SMAD7: variants seen among roughly 807,000 people sequenced by gnomAD.
SMAD7 encodes the protein SMAD family member 7.
In SMAD7, 8 loss-of-function variants were observed where a neutral mutation model predicts 38.7. That is an observed-to-expected ratio of 0.21 (90% confidence interval 0.12 to 0.37). The LOEUF (loss-of-function observed/expected upper bound fraction) is 0.37, where lower values mean the gene tolerates loss of function less well. Ranked by LOEUF, SMAD7 falls within the 10% of genes least tolerant of loss-of-function variation. The pLI is 1.00. For synonymous variants in SMAD7, 327 were observed against 265.1 expected, an observed-to-expected ratio of 1.23 and a Z score of -2.27; for missense variants, 477 against 577.9, an observed-to-expected ratio of 0.83 and a Z score of 1.79.
chr18:48,945,198 C>T (rs527632125), intron 2 of SMAD7, among the ~76,000 whole-genome samples: 13 of 152,216 alleles, frequency 8.5e-5, no homozygotes, highest in African/African-American at 2.4e-4. Context: ...CAGTGGCTCA[C>T]GCCTGTAATC....
In SMAD7 at chr18:48,945,754, C is replaced by T. The variant is rs549522769; in HGVS notation, c.667+2630G>A. 3.3e-5 allele frequency among the ~76,000 whole-genome samples: 5 copies of T among 152,290 alleles called. No individual in the cohort carries two copies. The South Asian group carries it at 1.0e-3, about 32-fold the overall frequency. ...TCCCTCAAGAGCTCACCCAGCAACCCCCCAAGGCCAGCCATTCCTCAAACC... is the reference window on the plus strand; with the variant it reads ...TCCCTCAAGAGCTCACCCAGCAACCTCCCAAGGCCAGCCATTCCTCAAACC... On this transcript the variant is annotated intron_variant, in intron 2 of 3. Transcript: ENST00000262158.
intron 3 of SMAD7, among the ~76,000 whole-genome samples, chr18:48,923,679 C>T (rs1006325695): frequency 1.3e-5 from 2 of 152,170 alleles, no homozygotes; most frequent in African/African-American, 4.8e-5. Flanking sequence ...AGGTCTCATT[C>T]CTTTCCCTCA....
chr18:48,942,212 G>A (rs115171207), intron 3 of SMAD7, among the ~76,000 whole-genome samples: 80 of 152,164 alleles, frequency 5.3e-4, no homozygotes, highest in African/African-American at 1.8e-3. Flanking sequence ...AAAAATAACC[G>A]GGCAACACTT....
In SMAD7 at chr18:48,950,186, G is replaced by A. The variant is rs1038138173; in HGVS notation, c.239C>T (p.Ala80Val). Residue 80 changes from alanine (A) to valine (V), a missense_variant, in exon 1 of 4, where the codon GCG becomes GTG. By Grantham distance (64) the Ala-to-Val change is moderately conservative (BLOSUM62 0). Transcript: ENST00000262158. ...GGCGCCCCCGGCCGCGCCGGCGCCC[G>A]CGGCTGGCGGGTGGGGATGGTGGTG... ...KGHHHPHPPAAGAGAAGGAEA... is the reference protein window; with the variant it reads ...KGHHHPHPPAVGAGAAGGAEA... The A allele has an allele frequency of 6.7e-7, 1 of 1,484,476 alleles. No individual in the cohort carries two copies. The highest frequency in any genetic ancestry group is 1.3e-5 in the South Asian group (1 of 78,154). 92.0% of individuals were successfully genotyped at this position (1,484,476 alleles called of 1,614,324 possible). A position where few individuals can be genotyped will look rare whatever the true frequency, so the allele number is the denominator to read the frequency against.
intron 2 of SMAD7, among the ~76,000 whole-genome samples, 185 bp downstream of exon 2, chr18:48,948,198 CT>C (rs2070217874): frequency 6.6e-6 from 1 of 152,206 alleles, no homozygotes. Flanking sequence ...AAGGGAACGT[CT>C]TTGCAAAAAC....
At position 48,921,227 on chromosome 18, in the gene SMAD7, C is replaced by T. The variant is rs969874135; in HGVS notation, c.*145G>A. Reference sequence around the variant, plus strand: ...AAACAAAACAGAACACAAACGAGGACGAGAAGAAGAAAACCAACCAACAAA... The same window carrying T: ...AAACAAAACAGAACACAAACGAGGATGAGAAGAAGAAAACCAACCAACAAA... On this transcript the variant is annotated 3_prime_UTR_variant, in exon 4 of 4. Transcript: ENST00000262158. The surrounding 1 kb of genome is among the most constrained non-coding windows in gnomAD (Gnocchi z 6.4). 2.2e-5 allele frequency: 15 copies of T among 679,414 alleles called. No homozygotes were observed. The highest frequency in any genetic ancestry group is 3.2e-5 in the Non-Finnish European group (13 of 409,380). The allele number at this position is 679,414 out of a possible 1,614,324, so 42.1% of individuals were successfully genotyped here.
chr18:48,948,694 C>T (rs1265470409), intron 1 of SMAD7, among the ~76,000 whole-genome samples: 1 of 152,242 alleles, frequency 6.6e-6, no homozygotes, highest in Non-Finnish European at 1.5e-5. Flanking sequence ...CTGGAAACCA[C>T]CGGCTCGGCC....
intron 3 of SMAD7, among the ~76,000 whole-genome samples, chr18:48,932,277 C>T (rs1430616429): frequency 2.0e-5 from 3 of 152,118 alleles, no homozygotes; most frequent in South Asian, 2.1e-4. Context: ...ATTTAACCTC[C>T]GAGTGAGCCA....
chr18:48,949,271 A>C, intron 1 of SMAD7: 1 of 985,146 alleles, frequency 1.0e-6, no homozygotes. Flanking sequence ...CCAAAACTCC[A>C]AAGGTGCGCG....
chr18:48,949,879 A>C lies in SMAD7; in HGVS notation c.546T>G (p.Ser182=). 1 of 1,613,618 alleles carries C rather than the reference A, an allele frequency of 6.2e-7. No individual in the cohort carries two copies. The highest frequency in any genetic ancestry group is 1.1e-5 in the South Asian group (1 of 91,024). ...CCAGCTCGGGGTTGATCTTCCCGTA[A>C]GATTCACAGCAACACAGCCTCTTGA... is the stretch of plus-strand genomic sequence containing the variant. ...SEVKRLCCCE[S]YGKINPELVC... The change falls in exon 1 of 4, where the codon TCT becomes TCG. Residue 182 remains serine, a synonymous_variant. Coordinates refer to ENST00000262158, the MANE Select transcript of SMAD7 (RefSeq NM_005904.4).
At chr18:48,925,437 C>CA (rs1555715623) in intron 3 of SMAD7, among the ~76,000 whole-genome samples, 22 of 152,022 alleles carry the variant, frequency 1.4e-4, no homozygotes, top group Admixed American at 8.5e-4. Flanking sequence ...GTGTTGCCCC[C>CA]CCCCAACCTT....
intron 3 of SMAD7, among the ~76,000 whole-genome samples, chr18:48,936,597 A>G (rs1461089096): frequency 6.6e-6 from 1 of 152,240 alleles, no homozygotes; most frequent in Non-Finnish European, 1.5e-5. Flanking sequence ...TGGGAAGCTG[A>G]ATCCCGAGGG....
rs1343225308 is a variant in SMAD7 at position 48,920,031 on chromosome 18, A to AG, written c.*1340_*1341insC. ...CATCTTTTCTTTATTTTTCTTGTTT[A>AG]TACACATTGCACAATACATAAATAA... On this transcript the variant is annotated 3_prime_UTR_variant, in exon 4 of 4. Coordinates refer to ENST00000262158, the MANE Select transcript of SMAD7 (RefSeq NM_005904.4). 6.6e-6 allele frequency: 1 copy of AG among 152,554 alleles called. No individual in the cohort carries two copies. The highest frequency in any genetic ancestry group is 2.4e-5 in the African/African-American group (1 of 41,430). The allele number at this position is 152,554 out of a possible 1,614,324, so 9.5% of individuals were successfully genotyped here.
At chr18:48,934,066 C>G (rs187198284) in intron 3 of SMAD7, among the ~76,000 whole-genome samples, 92 of 152,274 alleles carry the variant, frequency 6.0e-4, no homozygotes, top group Non-Finnish European at 9.6e-4. Context: ...ATGACATCAA[C>G]AAAGAGGGGA....
intron 3 of SMAD7, among the ~76,000 whole-genome samples, chr18:48,938,109 G>A (rs551566412): frequency 1.3e-5 from 2 of 152,298 alleles, no homozygotes; most frequent in Admixed American, 6.5e-5. Flanking sequence ...TAAGCTACTT[G>A]GTTTGAGCCC....
In SMAD7 at chr18:48,947,495, A is replaced by G. The variant is rs192851314; in HGVS notation, c.667+889T>C. Among the ~76,000 whole-genome samples the G allele has an allele frequency of 1.4e-4, 22 of 152,306 alleles. No homozygotes were observed. In the East Asian group the frequency reaches 3.7e-3, roughly 25 times the overall value. ...CAAAATAAAAATGTCCCAAGTATTA[A>G]TGTTTTTTTCAGGCACCAGTATACA... On this transcript the variant is annotated intron_variant, in intron 2 of 3. Transcript: ENST00000262158.
chr18:48,937,646 T>G (rs1016167504), intron 3 of SMAD7, among the ~76,000 whole-genome samples: 2 of 152,148 alleles, frequency 1.3e-5, no homozygotes, highest in Non-Finnish European at 2.9e-5. Flanking sequence ...GGTGTGGGTG[T>G]GCACCAGGTG....
At chr18:48,942,837 C>T (rs2070157741) in intron 2 of SMAD7, 1 of 1,211,068 alleles carries the variant, frequency 8.3e-7, no homozygotes, top group Admixed American at 4.6e-5. Flanking sequence ...TTACCAGTCC[C>T]CCATTACGGA....
rs577821090 is a variant in SMAD7, at chr18:48,942,756, C to A, written c.668-201G>T. 1.5e-5 allele frequency: 21 copies of A among 1,428,790 alleles called. No homozygotes were observed. The African/African-American group carries it at 2.5e-4, about 17-fold the overall frequency. The allele number at this position is 1,428,790 out of a possible 1,614,324, so 88.5% of individuals were successfully genotyped here. A position where few individuals can be genotyped will look rare whatever the true frequency, so the allele number is the denominator to read the frequency against. ...CAGACCACAGCACCTTGTCACCCGT[C>A]TGGGCTCCGGGCAGCCAGTTAATCA... On this transcript the variant is annotated intron_variant, in intron 2 of 3. Transcript: ENST00000262158.
Sources: allele counts gnomAD v4.1 joint callset (sites outside exome capture counted in the v4.1 genomes callset), GRCh38; gene constraint gnomAD v4.1.1; non-coding constraint Gnocchi (gnomAD v3.1); transcripts MANE v1.5; gene names NCBI Gene and HGNC (gene_info 2026-07-23, HGNC 2026-07-21).